HS1BP3: variants seen among roughly 807,000 people sequenced by gnomAD.
HS1BP3 encodes the protein HCLS1-binding protein 3.
In HS1BP3, 32 loss-of-function variants were observed where a neutral mutation model predicts 33.5. The ratio of observed to expected loss-of-function variants is 0.95; its 90% CI spans 0.72 to 1.28. The LOEUF is 1.28. Ranked by LOEUF, HS1BP3 falls within the 50% of genes most tolerant of loss-of-function variation. The pLI, the probability that HS1BP3 is intolerant of heterozygous loss-of-function variation, is 0.00. For synonymous variants in HS1BP3, 187 were observed against 209.2 expected, an observed-to-expected ratio of 0.89 and a Z score of 0.92; for missense variants, 486 against 502.3, an observed-to-expected ratio of 0.97 and a Z score of 0.31.
intron 5 of HS1BP3, among the ~76,000 whole-genome samples, chr2:20,585,449 C>T (rs1693658670): frequency 6.6e-6 from 1 of 152,218 alleles, no homozygotes; most frequent in Admixed American, 6.5e-5. Flanking sequence ...CCCTACAATG[C>T]ACTACAAGAA....
intron 4 of HS1BP3, among the ~76,000 whole-genome samples, chr2:20,626,349 C>A (rs59882809): frequency 0.014 from 2,106 of 152,338 alleles, 39 homozygotes; most frequent in African/African-American, 0.046. Flanking sequence ...ATCCTCTGAG[C>A]TCAGAGCCCA....
At chr2:20,591,953 C>T (rs929530700), downstream of HS1BP3, among the ~76,000 whole-genome samples, 2 of 152,112 alleles carry the variant, frequency 1.3e-5, no homozygotes, top group African/African-American at 4.8e-5. Context: ...GCTAGTGGGT[C>T]CTAGGGGGAC....
intron 3 of HS1BP3, among the ~76,000 whole-genome samples, chr2:20,597,467 T>G (rs1013930565): frequency 6.6e-6 from 1 of 152,152 alleles, no homozygotes; most frequent in Non-Finnish European, 1.5e-5. Context: ...ACCTTCCACG[T>G]TGGCGTTCTC....
chr2:20,604,130 T>C (rs1694124977), intron 2 of HS1BP3, among the ~76,000 whole-genome samples: 1 of 152,240 alleles, frequency 6.6e-6, no homozygotes, highest in Non-Finnish European at 1.5e-5. Flanking sequence ...TAAATAACAA[T>C]TCATCAGACC....
chr2:20,587,366 A>G (rs182023088), intron 5 of HS1BP3, among the ~76,000 whole-genome samples: 1 of 152,354 alleles, frequency 6.6e-6, no homozygotes, highest in African/African-American at 2.4e-5. Context: ...CATGATGGCC[A>G]TCAACCACGC....
intron 4 of HS1BP3, among the ~76,000 whole-genome samples, chr2:20,630,255 C>CT (rs1694929572): frequency 6.6e-6 from 1 of 152,070 alleles, no homozygotes; most frequent in Admixed American, 6.5e-5. Context: ...TGTTTGGTGT[C>CT]TTTTTGTTTT....
chr2:20,628,622 G>C (rs1196270934), intron 4 of HS1BP3, among the ~76,000 whole-genome samples: 1 of 143,750 alleles, frequency 7.0e-6, no homozygotes, highest in Non-Finnish European at 1.5e-5. Flanking sequence ...GTGACAAAGT[G>C]AGACTTTGTC....
intron 4 of HS1BP3, among the ~76,000 whole-genome samples, chr2:20,629,939 TC>T (rs1247040098): frequency 6.6e-6 from 1 of 152,212 alleles, no homozygotes; most frequent in Non-Finnish European, 1.5e-5. Context: ...CATCCACCAC[TC>T]TGGCCACCCA....
At chr2:20,565,348 G>T (rs1273724452) in intron 5 of HS1BP3, among the ~76,000 whole-genome samples, 1 of 152,160 alleles carries the variant, frequency 6.6e-6, no homozygotes, top group Non-Finnish European at 1.5e-5. Context: ...GATGGACCAG[G>T]CACTTCCATG....
intron 6 of HS1BP3, chr2:20,622,245 G>A (rs1182340540): frequency 3.8e-6 from 5 of 1,303,570 alleles, no homozygotes; most frequent in East Asian, 5.5e-5. Context: ...ATAGTCACAG[G>A]GCAGACACAA....
At chr2:20,558,862 C>T (rs560735766), downstream of HS1BP3, among the ~76,000 whole-genome samples, 1 of 152,248 alleles carries the variant, frequency 6.6e-6, no homozygotes, top group East Asian at 1.9e-4. Flanking sequence ...GCTGGGTGGG[C>T]GCTGCTGGGC....
At chr2:20,622,383 T>TG (rs1442912127) in intron 6 of HS1BP3, 1 of 1,252,850 alleles carries the variant, frequency 8.0e-7, no homozygotes, top group Non-Finnish European at 1.1e-6. Context: ...AAAGTGAAGG[T>TG]GGGGGTGCGG....
chr2:20,645,640 T>A, intron 1 of HS1BP3, 135 bp from the exon 2 acceptor site: 1 of 847,114 alleles, frequency 1.2e-6, no homozygotes, highest in Non-Finnish European at 1.8e-6. Flanking sequence ...CAGTGGTCAC[T>A]GCTCCAGGCC....
intron 4 of HS1BP3, among the ~76,000 whole-genome samples, chr2:20,632,131 T>C (rs1024850085): frequency 2.0e-5 from 3 of 152,246 alleles, no homozygotes; most frequent in Admixed American, 6.5e-5. Context: ...GGATTCCCCA[T>C]GCCAATAACC....
chr2:20,625,238 G>C (rs1694742980), intron 4 of HS1BP3, among the ~76,000 whole-genome samples: 1 of 152,280 alleles, frequency 6.6e-6, no homozygotes, highest in South Asian at 2.1e-4. Context: ...GCTGTGCCCT[G>C]TGTTCAAGAA....
chr2:20,565,780 G>T (rs894819918), intron 5 of HS1BP3, among the ~76,000 whole-genome samples: 1 of 152,232 alleles, frequency 6.6e-6, no homozygotes, highest in African/African-American at 2.4e-5. Flanking sequence ...GCAGGGTTTT[G>T]TCACTCCTCT....
chr2:20,634,395 C>T (rs1226951080), intron 4 of HS1BP3, among the ~76,000 whole-genome samples: 1 of 152,264 alleles, frequency 6.6e-6, no homozygotes, highest in Non-Finnish European at 1.5e-5. Flanking sequence ...GCCAAGCTTT[C>T]AGTGGCCCAG....
chr2:20,617,100 A>G (rs1414141159), downstream of HS1BP3, among the ~76,000 whole-genome samples: 1 of 152,014 alleles, frequency 6.6e-6, no homozygotes, highest in Non-Finnish European at 1.5e-5. Context: ...CTCCTATGTC[A>G]CTTGACCCAA....
intron 2 of HS1BP3, among the ~76,000 whole-genome samples, chr2:20,603,999 T>C (rs972135798): frequency 1.3e-5 from 2 of 152,242 alleles, no homozygotes; most frequent in African/African-American, 4.8e-5. Context: ...CCCAGTCCGC[T>C]GCTTCCCAGA....
Sources: allele counts gnomAD v4.1 joint callset (sites outside exome capture counted in the v4.1 genomes callset), GRCh38; gene constraint gnomAD v4.1.1; transcripts MANE v1.5; gene names NCBI Gene and HGNC (gene_info 2026-07-23, HGNC 2026-07-21).